PLPP4: variants seen among roughly 807,000 people sequenced by gnomAD.
PLPP4 encodes the protein phospholipid phosphatase 4.
PLPP4 carries 20 observed loss-of-function variants against 32.2 expected under a neutral mutation model. The ratio of observed to expected loss-of-function variants is 0.62; its 90% CI spans 0.44 to 0.90. The LOEUF (loss-of-function observed/expected upper bound fraction) is 0.90. Among genes scored for constraint, PLPP4 ranks in the 40% least tolerant of loss-of-function variants. PLPP4 has a pLI of 0.00. For missense variants in PLPP4, 257 were observed against 353.1 expected (o/e 0.73, Z 2.18); for synonymous variants, 127 against 133.0 (o/e 0.95, Z 0.31).
intron 1 of PLPP4, among the ~76,000 whole-genome samples, chr10:120,487,759 A>G (rs948453890): frequency 2.0e-5 from 3 of 152,230 alleles, no homozygotes; most frequent in African/African-American, 7.2e-5. Flanking sequence ...CATCCAGTCC[A>G]GTTCCTTAGT....
At chr10:120,551,426 A>C (rs975413190) in intron 5 of PLPP4, among the ~76,000 whole-genome samples, 4 of 152,226 alleles carry the variant, frequency 2.6e-5, no homozygotes, top group Non-Finnish European at 5.9e-5. Context: ...GTCTTGTACA[A>C]AATATTAATA....
intron 5 of PLPP4, among the ~76,000 whole-genome samples, chr10:120,543,636 A>G (rs1282892623): frequency 2.6e-5 from 4 of 152,148 alleles, no homozygotes; most frequent in African/African-American, 7.2e-5. Context: ...AAAATTTACC[A>G]TCTTAGCCAT....
chr10:120,586,081 C>A (rs1251242038), intron 6 of PLPP4, among the ~76,000 whole-genome samples: 1 of 151,948 alleles, frequency 6.6e-6, no homozygotes, highest in Admixed American at 6.6e-5. Context: ...GATATTTTAT[C>A]TGAACCAAAG....
chr10:120,533,617 A>G (rs1461042852), intron 5 of PLPP4, among the ~76,000 whole-genome samples: 1 of 152,114 alleles, frequency 6.6e-6, no homozygotes. Context: ...TTTTTCCTAT[A>G]TAGCTCTCTT....
At chr10:120,466,627 T>C (rs1589713862) in intron 1 of PLPP4, among the ~76,000 whole-genome samples, 1 of 152,296 alleles carries the variant, frequency 6.6e-6, no homozygotes, top group East Asian at 1.9e-4. Context: ...TCTTTGTGTA[T>C]GCTATTTTTA....
At chr10:120,489,534 A>G (rs978418266) in intron 1 of PLPP4, among the ~76,000 whole-genome samples, 3 of 152,082 alleles carry the variant, frequency 2.0e-5, no homozygotes, top group African/African-American at 7.2e-5. Flanking sequence ...CCACCAACAC[A>G]TGGGTGTGGC....
At chr10:120,490,608 A>G (rs186343736) in intron 1 of PLPP4, among the ~76,000 whole-genome samples, 1 of 152,240 alleles carries the variant, frequency 6.6e-6, no homozygotes, top group East Asian at 1.9e-4. Context: ...TTCATCTTAC[A>G]CATCTGATTC....
At chr10:120,559,306 AT>A (rs34289712) in intron 5 of PLPP4, among the ~76,000 whole-genome samples, 99,563 of 147,054 alleles carry the variant, frequency 0.68, 33,772 homozygotes, top group East Asian at 0.84. Flanking sequence ...TTTCATGTTC[AT>A]TTTTTTTTTT....
intron 5 of PLPP4, among the ~76,000 whole-genome samples, chr10:120,566,958 G>A (rs562752471): frequency 8.5e-5 from 13 of 152,258 alleles, no homozygotes; most frequent in South Asian, 2.1e-4. Flanking sequence ...TTGTTTCTTC[G>A]TCCTCAAACT....
rs11420059 is a variant in PLPP4, at chr10:120,590,767, CTTTTTTT to C, written c.*1277_*1283del. 1.6e-5 allele frequency among the ~76,000 whole-genome samples: 2 copies of C among 126,204 alleles called. No individual in the cohort carries two copies. The highest frequency in any genetic ancestry group is 3.3e-5 in the Non-Finnish European group (2 of 61,368). 82.8% of individuals were successfully genotyped at this position (126,204 alleles called of 152,430 possible). Reference sequence around the variant, plus strand: ...TGCATCTTTGCTATCCAGAGTGTCACTTTTTTTTTTTTTTTTTTGAGATGGAGTCTCG... The same window carrying C: ...TGCATCTTTGCTATCCAGAGTGTCACTTTTTTTTTTTGAGATGGAGTCTCG... On this transcript the variant is annotated 3_prime_UTR_variant, in exon 7 of 7. Coordinates refer to ENST00000398250, the MANE Select transcript of PLPP4 (RefSeq NM_001030059.3).
At chr10:120,509,449 C>T (rs1342560208) in intron 2 of PLPP4, among the ~76,000 whole-genome samples, 1 of 152,174 alleles carries the variant, frequency 6.6e-6, no homozygotes, top group African/African-American at 2.4e-5. Flanking sequence ...CCAGATCCTG[C>T]TTAATGATAC....
intron 1 of PLPP4, among the ~76,000 whole-genome samples, chr10:120,496,903 G>GAA (rs1844989979): frequency 8.9e-6 from 1 of 111,954 alleles, no homozygotes; most frequent in Admixed American, 1.0e-4. Context: ...GAGAGAGAGA[G>GAA]AATGTGTGAG....
At chr10:120,500,569 C>T (rs562038898) in intron 1 of PLPP4, among the ~76,000 whole-genome samples, 48 of 151,408 alleles carry the variant, frequency 3.2e-4, no homozygotes, top group Non-Finnish European at 4.7e-4. Flanking sequence ...TGGAAAAAGC[C>T]ACTGAGCTTC....
intron 1 of PLPP4, among the ~76,000 whole-genome samples, chr10:120,478,611 A>C (rs2463155): frequency 0.99 from 150,331 of 152,344 alleles, 74,215 homozygotes; most frequent in East Asian, 1. Flanking sequence ...TTTAGTCTTA[A>C]GCCTGCTCCC....
intron 5 of PLPP4, among the ~76,000 whole-genome samples, chr10:120,544,380 G>A (rs1036650983): frequency 6.6e-6 from 1 of 152,176 alleles, no homozygotes; most frequent in Non-Finnish European, 1.5e-5. Context: ...AAATGAAGAT[G>A]TAGTAACTGA....
chr10:120,501,288 G>A (rs1741613447), intron 1 of PLPP4, among the ~76,000 whole-genome samples: 1 of 96,150 alleles, frequency 1.0e-5, no homozygotes, highest in Non-Finnish European at 2.0e-5. Flanking sequence ...CATCCTTCAA[G>A]CAAAATTTAT....
At chr10:120,472,398 A>G (rs548599306) in intron 1 of PLPP4, among the ~76,000 whole-genome samples, 3 of 152,220 alleles carry the variant, frequency 2.0e-5, no homozygotes, top group South Asian at 2.1e-4. Context: ...AACACTTTAA[A>G]TATGTCTTTG....
At chr10:120,485,588 T>C (rs1169506854) in intron 1 of PLPP4, among the ~76,000 whole-genome samples, 1 of 152,252 alleles carries the variant, frequency 6.6e-6, no homozygotes, top group Non-Finnish European at 1.5e-5. Flanking sequence ...GGTTCATAAG[T>C]GGAACTCAAA....
chr10:120,528,901 T>C (rs57525462), intron 5 of PLPP4, among the ~76,000 whole-genome samples: 32,273 of 152,142 alleles, frequency 0.21, 4,170 homozygotes, highest in Non-Finnish European at 0.28. Context: ...TATCTGTTTA[T>C]GTCTTAAAAA....
Sources: gnomAD v4.1 joint callset for allele counts (sites outside exome capture counted in the v4.1 genomes callset) on GRCh38, gnomAD v4.1.1 for gene constraint, MANE v1.5 for transcripts, NCBI Gene and HGNC (gene_info 2026-07-23, HGNC 2026-07-21) for gene names.